SCD5: variants seen among roughly 807,000 people sequenced by gnomAD.
SCD5 encodes the protein stearoyl-CoA desaturase 5.
SCD5 carries 20 observed loss-of-function variants against 30.4 expected under a neutral mutation model. That is an observed-to-expected ratio of 0.66 (90% CI 0.46 to 0.96). The LOEUF is 0.96. Among genes scored for constraint, SCD5 ranks in the 40% least tolerant of loss-of-function variants. The pLI is 0.00. For synonymous variants in SCD5, 173 were observed against 176.4 expected (o/e 0.98, Z 0.16); for missense variants, 381 against 443.3 (o/e 0.86, Z 1.26).
chr4:82,790,311 C>T (rs1457703223), intron 1 of SCD5, among the ~76,000 whole-genome samples: 1 of 152,188 alleles, frequency 6.6e-6, no homozygotes, highest in Non-Finnish European at 1.5e-5. Context: ...TCTCTTTCCA[C>T]AAACCAGATG....
Position 82,717,545 on chromosome 4 carries a change from C to CATACATTTTATA in SCD5, c.233-12144_233-12133dup, listed in dbSNP as rs1410691173. On this transcript the variant is annotated intron_variant, in intron 1 of 4. Coordinates refer to ENST00000319540, the MANE Select transcript of SCD5 (RefSeq NM_001037582.3). ...TTTGTGTGTGTTAGAGGAAGATGTG[C>CATACATTTTATA]ATACATTTTATATCACTATAGGTAT... Among the ~76,000 whole-genome samples the CATACATTTTATA allele has an allele frequency of 2.6e-5, 4 of 151,904 alleles. No individual in the cohort carries two copies. The East Asian group carries it at 5.8e-4, about 22-fold the overall frequency.
chr4:82,696,227 A>T (rs571818295), intron 2 of SCD5, among the ~76,000 whole-genome samples: 2 of 152,380 alleles, frequency 1.3e-5, no homozygotes, highest in Admixed American at 1.3e-4. Context: ...AATAAATATT[A>T]TCATTAATTA....
chr4:82,662,870 A>C (rs962734594), intron 3 of SCD5, among the ~76,000 whole-genome samples: 2 of 152,034 alleles, frequency 1.3e-5, no homozygotes, highest in African/African-American at 2.4e-5. Flanking sequence ...AAAAAAAAAA[A>C]AAAAAACACA....
chr4:82,711,338 A>T (rs1001767206), intron 1 of SCD5, among the ~76,000 whole-genome samples: 2 of 127,302 alleles, frequency 1.6e-5, no homozygotes, highest in Non-Finnish European at 3.4e-5. Flanking sequence ...GCAACCCAAA[A>T]CTTGAAGGGT....
At chr4:82,783,946 A>T (rs1248395189) in intron 1 of SCD5, among the ~76,000 whole-genome samples, 1 of 152,212 alleles carries the variant, frequency 6.6e-6, no homozygotes, top group Non-Finnish European at 1.5e-5. Context: ...TTTAGAGATA[A>T]AAGGACAGAA....
intron 1 of SCD5, among the ~76,000 whole-genome samples, chr4:82,734,490 G>A (rs557777501): frequency 1.3e-5 from 2 of 152,276 alleles, no homozygotes; most frequent in South Asian, 4.2e-4. Flanking sequence ...TCTAGCTTGT[G>A]TTTCAGATCT....
At chr4:82,669,351 C>A (rs1465922757) in intron 3 of SCD5, among the ~76,000 whole-genome samples, 1 of 150,340 alleles carries the variant, frequency 6.7e-6, no homozygotes, top group East Asian at 1.9e-4. Flanking sequence ...TCCGGTTCCA[C>A]ATGAAGAGCT....
At chr4:82,737,827 C>T (rs187351810) in intron 1 of SCD5, among the ~76,000 whole-genome samples, 2 of 152,114 alleles carry the variant, frequency 1.3e-5, no homozygotes, top group Non-Finnish European at 2.9e-5. Flanking sequence ...AGTCAAGTTG[C>T]TATCAATGGC....
intron 1 of SCD5, among the ~76,000 whole-genome samples, chr4:82,746,241 C>T (rs753119138): frequency 6.6e-6 from 1 of 152,124 alleles, no homozygotes; most frequent in African/African-American, 2.4e-5. Context: ...GGAAGCAATA[C>T]CAGATTGCAG....
chr4:82,743,496 A>G (rs1720920637), intron 1 of SCD5, among the ~76,000 whole-genome samples: 1 of 152,138 alleles, frequency 6.6e-6, no homozygotes, highest in Non-Finnish European at 1.5e-5. Flanking sequence ...AGCCTATTAA[A>G]GTATAAAAGG....
intron 1 of SCD5, among the ~76,000 whole-genome samples, chr4:82,752,273 T>TTATATATATATATATATATATATATATA (rs139910934): frequency 8.9e-5 from 13 of 145,644 alleles, no homozygotes; most frequent in African/African-American, 3.3e-4. Flanking sequence ...TTTTAAAAAA[T>TTATATATATATATATATATATATATATA]TATATATATA....
intron 1 of SCD5, among the ~76,000 whole-genome samples, chr4:82,785,519 GA>G (rs1293435310): frequency 2.0e-5 from 3 of 152,184 alleles, no homozygotes; most frequent in Non-Finnish European, 4.4e-5. Flanking sequence ...ATGTAAGCCT[GA>G]ATGCAAAGTC....
At chr4:82,758,653 A>G (rs1721280682) in intron 1 of SCD5, among the ~76,000 whole-genome samples, 1 of 152,184 alleles carries the variant, frequency 6.6e-6, no homozygotes, top group African/African-American at 2.4e-5. Context: ...GCTAGGAAAT[A>G]AGCTTTGGGT....
At chr4:82,789,677 C>A (rs1364202500) in intron 1 of SCD5, among the ~76,000 whole-genome samples, 1 of 152,192 alleles carries the variant, frequency 6.6e-6, no homozygotes, top group African/African-American at 2.4e-5. Flanking sequence ...GCCCTCCAAC[C>A]TTTCTAGTAA....
At chr4:82,648,512 G>A (rs750322339) in intron 3 of SCD5, among the ~76,000 whole-genome samples, 4 of 115,656 alleles carry the variant, frequency 3.5e-5, no homozygotes, top group East Asian at 2.7e-4. Context: ...GCATGATCTC[G>A]AGAAACAACA....
chr4:82,679,222 A>AGAGAGAAAGAAAGAAAGAAAGAGAGAG (rs10632813), intron 3 of SCD5, among the ~76,000 whole-genome samples: 2 of 91,492 alleles, frequency 2.2e-5, no homozygotes, highest in Admixed American at 1.3e-4. Context: ...AAAGAAAGAA[A>AGAGAGAAAGAAAGAAAGAAAGAGAGAG]AGAAAGAAAG....
intron 3 of SCD5, among the ~76,000 whole-genome samples, chr4:82,652,937 G>A (rs766251795): frequency 1.3e-5 from 2 of 152,138 alleles, no homozygotes; most frequent in African/African-American, 4.8e-5. Context: ...CAGATCCCTT[G>A]AGCTCAGGAG....
chr4:82,735,164 GA>G (rs1578044375), intron 1 of SCD5, among the ~76,000 whole-genome samples: 1 of 152,252 alleles, frequency 6.6e-6, no homozygotes, highest in East Asian at 1.9e-4. Flanking sequence ...TGAGATTTTT[GA>G]AAATTGATTC....
At chr4:82,666,466 G>C (rs1728191751) in intron 3 of SCD5, among the ~76,000 whole-genome samples, 1 of 151,526 alleles carries the variant, frequency 6.6e-6, no homozygotes, top group South Asian at 2.1e-4. Flanking sequence ...CAGTGAGCCG[G>C]ATCGCGCCAC....
Sources: gnomAD v4.1 joint callset for allele counts (sites outside exome capture counted in the v4.1 genomes callset) on GRCh38, gnomAD v4.1.1 for gene constraint, MANE v1.5 for transcripts, NCBI Gene and HGNC (gene_info 2026-07-23, HGNC 2026-07-21) for gene names.